The following CD82 variants were observed in gnomAD, a reference collection of about 807,000 sequenced individuals.
The protein encoded by CD82 is CD82 antigen.
CD82 carries 36 observed loss-of-function variants against 37.4 expected under a neutral mutation model. The ratio of observed to expected loss-of-function variants is 0.96; its 90% CI spans 0.74 to 1.27. CD82 has a LOEUF of 1.27. Among genes scored for constraint, CD82 ranks in the 50% most tolerant of loss-of-function variants. The probability of loss-of-function intolerance (pLI) is 0.00; values close to 1 mark genes in which losing one functional copy is unlikely to be tolerated. For synonymous variants in CD82, 158 were observed against 137.4 expected (o/e 1.15, Z -1.05); for missense variants, 340 against 347.0 (o/e 0.98, Z 0.16).
At chr11:44,565,357 G>C (rs940512529), upstream of CD82, among the ~76,000 whole-genome samples, 39 of 152,330 alleles carry the variant, frequency 2.6e-4, no homozygotes, top group Admixed American at 7.2e-4. Flanking sequence ...GCAGCGCCGT[G>C]AGTGGACAGG....
At chr11:44,565,901 C>A (rs1406185676) in intron 1 of CD82, 165 bp downstream of exon 1, 1 of 152,252 alleles carries the variant, frequency 6.6e-6, no homozygotes, top group Non-Finnish European at 1.5e-5. Flanking sequence ...GTCCTGAACC[C>A]CCAGTTCTCA....
intron 6 of CD82, among the ~76,000 whole-genome samples, chr11:44,609,982 A>G (rs1180824673): frequency 1.3e-5 from 2 of 152,186 alleles, no homozygotes; most frequent in Non-Finnish European, 2.9e-5. Flanking sequence ...ATTTCCTATC[A>G]GGGTACTGGG....
Position 44,605,393 on chromosome 11 carries a change from G to T in CD82, c.300G>T (p.Val100=). The T allele has an allele frequency of 1.2e-6, 2 of 1,614,210 alleles. No individual in the cohort carries two copies. The highest frequency in any genetic ancestry group is 1.7e-6 in the Non-Finnish European group (2 of 1,180,042). The change falls in exon 6 of 10, where the codon GTG becomes GTT. Residue 100 remains valine (V), a synonymous_variant. Coordinates refer to ENST00000227155, the MANE Select transcript of CD82 (RefSeq NM_002231.4). Reference sequence around the variant, plus strand: ...TGCTCCTGATCCTCATTGCCCAGGTGACGGCCGGGGCCCTCTTCTACTTCA... The same window carrying T: ...TGCTCCTGATCCTCATTGCCCAGGTTACGGCCGGGGCCCTCTTCTACTTCA... ...AFLLLILIAQ[V]TAGALFYFNM... is the part of the protein sequence containing the mutation.
intron 1 of CD82, among the ~76,000 whole-genome samples, chr11:44,577,204 C>T (rs1490022256): frequency 6.6e-6 from 1 of 152,158 alleles, no homozygotes; most frequent in African/African-American, 2.4e-5. Flanking sequence ...GGGGTTCAGC[C>T]CAGGTTTTCC....
intron 1 of CD82, among the ~76,000 whole-genome samples, chr11:44,581,864 T>A (rs539055182): frequency 6.6e-6 from 1 of 152,332 alleles, no homozygotes; most frequent in South Asian, 2.1e-4. Context: ...GCCCTCTGTG[T>A]CCACCTTCTT....
chr11:44,578,486 C>T (rs1316505833), intron 1 of CD82, among the ~76,000 whole-genome samples: 1 of 152,178 alleles, frequency 6.6e-6, no homozygotes, highest in Non-Finnish European at 1.5e-5. Flanking sequence ...CCCCTTCCAG[C>T]TCCATGTGGC....
At chr11:44,581,031 GC>G (rs1368302048) in intron 1 of CD82, among the ~76,000 whole-genome samples, 1 of 152,094 alleles carries the variant, frequency 6.6e-6, no homozygotes, top group Non-Finnish European at 1.5e-5. Context: ...CCTTTTGTTA[GC>G]CACCTACTCC....
intron 4 of CD82, chr11:44,604,834 G>T: frequency 3.3e-6 from 2 of 598,378 alleles, no homozygotes; most frequent in Non-Finnish European, 3.0e-6. Flanking sequence ...CCGGGAAGGG[G>T]CTTAGGCTGG....
intron 2 of CD82, among the ~76,000 whole-genome samples, chr11:44,590,790 C>G (rs1246055387): frequency 6.6e-6 from 1 of 152,076 alleles, no homozygotes; most frequent in African/African-American, 2.4e-5. Flanking sequence ...GAGGGCAGAG[C>G]CGGGCATAAC....
intron 4 of CD82, among the ~76,000 whole-genome samples, chr11:44,600,819 C>T (rs568427837): frequency 8.5e-5 from 13 of 152,326 alleles, no homozygotes; most frequent in Non-Finnish European, 1.8e-4. Flanking sequence ...CTATTCCCAC[C>T]TCACCAATGA....
At chr11:44,573,746 G>A (rs566706900) in intron 1 of CD82, among the ~76,000 whole-genome samples, 2 of 152,320 alleles carry the variant, frequency 1.3e-5, no homozygotes, top group South Asian at 4.1e-4. Context: ...TTGCAGTCAG[G>A]GAAACACTGG....
intron 6 of CD82, among the ~76,000 whole-genome samples, chr11:44,612,658 A>G: frequency 1.3e-5 from 1 of 76,272 alleles, no homozygotes; most frequent in South Asian, 4.4e-4. Flanking sequence ...TTTGAGATGG[A>G]GTCTGGCTCT....
At chr11:44,594,887 G>A (rs906633508) in intron 3 of CD82, 162 bp downstream of exon 3, 4 of 634,314 alleles carry the variant, frequency 6.3e-6, no homozygotes, top group South Asian at 1.8e-5. Context: ...TTGGGGTGGT[G>A]AGGAGATTCC....
At chr11:44,588,468 C>T (rs1479869501) in intron 2 of CD82, among the ~76,000 whole-genome samples, 3 of 152,132 alleles carry the variant, frequency 2.0e-5, no homozygotes, top group Non-Finnish European at 2.9e-5. Flanking sequence ...GTGATCCGCC[C>T]GCCTCGACCT....
intron 2 of CD82, among the ~76,000 whole-genome samples, chr11:44,590,629 A>AAAAAAAAAAAAAAAAAAAAC: frequency 6.6e-6 from 1 of 150,560 alleles, no homozygotes; most frequent in East Asian, 2.0e-4. Context: ...AAAAAAAAAA[A>AAAAAAAAAAAAAAAAAAAAC]AGATGAAATC....
chr11:44,565,988 G>A (rs551167555), intron 1 of CD82: 2 of 152,360 alleles, frequency 1.3e-5, no homozygotes, highest in South Asian at 4.1e-4. Flanking sequence ...TCCAGCAGGA[G>A]GAAGTGAACC....
intron 6 of CD82, among the ~76,000 whole-genome samples, chr11:44,609,245 G>A (rs771905296): frequency 1.3e-5 from 2 of 152,188 alleles, no homozygotes; most frequent in Non-Finnish European, 2.9e-5. Flanking sequence ...ATCCACAGGC[G>A]AGCTCTTGGG....
chr11:44,568,661 G>T (rs759615640), intron 1 of CD82, among the ~76,000 whole-genome samples: 38 of 152,200 alleles, frequency 2.5e-4, no homozygotes, highest in Admixed American at 2.5e-3. Context: ...ACAGTAGGGG[G>T]ACTGGGGCAG....
intron 1 of CD82, among the ~76,000 whole-genome samples, chr11:44,580,882 C>T (rs1446959330): frequency 6.6e-6 from 1 of 152,188 alleles, no homozygotes; most frequent in African/African-American, 2.4e-5. Flanking sequence ...GGCATTTCAG[C>T]AGCCCTGTGT....
Sources: gnomAD v4.1 joint callset for allele counts (sites outside exome capture counted in the v4.1 genomes callset) on GRCh38, gnomAD v4.1.1 for gene constraint, MANE v1.5 for transcripts, NCBI Gene and HGNC (gene_info 2026-07-23, HGNC 2026-07-21) for gene names.